ROBO2: variants seen among roughly 807,000 people sequenced by gnomAD.
The protein encoded by ROBO2 is roundabout guidance receptor 2.
ROBO2 carries 53 observed loss-of-function variants against 160.8 expected under a neutral mutation model. The observed-to-expected ratio is 0.33, with a 90% CI of 0.26 to 0.41. The LOEUF (loss-of-function observed/expected upper bound fraction) is 0.41. ROBO2 is among the 10% of genes least tolerant of loss of function. The pLI is 1.00. For missense variants in ROBO2, 1,577 were observed against 1,722.4 expected, an observed-to-expected ratio of 0.92 and a Z score of 1.49; for synonymous variants, 664 against 611.7, an observed-to-expected ratio of 1.09 and a Z score of -1.26.
chr3:76,190,831 A>G (rs1701973253), intron 2 of ROBO2, among the ~76,000 whole-genome samples: 1 of 152,134 alleles, frequency 6.6e-6, no homozygotes, highest in South Asian at 2.1e-4. Context: ...ATTTCATTCA[A>G]ATCTTGACGT....
chr3:77,639,760 G>A (rs573124655), intron 24 of ROBO2, among the ~76,000 whole-genome samples: 4 of 152,220 alleles, frequency 2.6e-5, no homozygotes, highest in Non-Finnish European at 5.9e-5. Flanking sequence ...GTGTATATGT[G>A]TGCATGCATG....
chr3:77,013,409 AAG>A (rs1316883235), intron 2 of ROBO2, among the ~76,000 whole-genome samples: 1 of 152,168 alleles, frequency 6.6e-6, no homozygotes, highest in African/African-American at 2.4e-5. Context: ...TGAGGCAAAA[AAG>A]AAGGCAAACA....
intron 2 of ROBO2, among the ~76,000 whole-genome samples, chr3:76,787,828 G>T (rs1174580233): frequency 2.6e-5 from 4 of 151,350 alleles, no homozygotes; most frequent in Non-Finnish European, 5.9e-5. Context: ...GTATATATTT[G>T]TTGTTTATGC....
intron 2 of ROBO2, among the ~76,000 whole-genome samples, chr3:76,487,220 T>G (rs2079547043): frequency 6.6e-6 from 1 of 151,820 alleles, no homozygotes. Context: ...CCTCAAGCGA[T>G]TCTCCTGCCT....
rs565942294 is a variant in ROBO2 at position 77,248,504 on chromosome 3, C to T, written c.388+150164C>T. Reference sequence around the variant, plus strand: ...AAAGCTCAAAGGGTTTTGTCATACTCCGTCTGGGGCTTCAGGGGTCGCGAG... The same window carrying T: ...AAAGCTCAAAGGGTTTTGTCATACTTCGTCTGGGGCTTCAGGGGTCGCGAG... On this transcript the variant is annotated intron_variant, in intron 2 of 25. Transcript: ENST00000461745. Among the ~76,000 whole-genome samples, 20 of 152,278 alleles carry T rather than the reference C, an allele frequency of 1.3e-4. No individual in the cohort carries two copies. In the South Asian group the frequency reaches 3.7e-3, roughly 28 times the overall value.
chr3:77,177,167 G>A (rs2080239571), intron 2 of ROBO2, among the ~76,000 whole-genome samples: 1 of 151,968 alleles, frequency 6.6e-6, no homozygotes, highest in African/African-American at 2.4e-5. Flanking sequence ...ATATAAAAAT[G>A]CAGCCAAAAT....
At chr3:76,385,006 C>T (rs1047340854) in intron 2 of ROBO2, among the ~76,000 whole-genome samples, 4 of 152,098 alleles carry the variant, frequency 2.6e-5, no homozygotes, top group African/African-American at 9.7e-5. Context: ...GTTTTTGAGA[C>T]AGGATCTTGC....
chr3:77,210,912 A>G lies in ROBO2; in HGVS notation c.388+112572A>G, dbSNP rs183404581. 7.2e-4 allele frequency among the ~76,000 whole-genome samples: 109 copies of G among 152,336 alleles called. 1 individual carries two copies. In the East Asian group the frequency reaches 0.019, roughly 27 times the overall value. ...CCTCATCCATGTCCCTACAAAGGAC[A>G]TGAACTTATCATTTTTTATGGCTGC... On this transcript the variant is annotated intron_variant, in intron 2 of 25. Coordinates refer to ENST00000461745, the Ensembl canonical transcript of ROBO2.
At chr3:76,107,549 A>G (rs2069999013) in intron 2 of ROBO2, among the ~76,000 whole-genome samples, 1 of 152,006 alleles carries the variant, frequency 6.6e-6, no homozygotes, top group African/African-American at 2.4e-5. Flanking sequence ...ATAATGTTAC[A>G]TTTGCATAGC....
intron 2 of ROBO2, among the ~76,000 whole-genome samples, chr3:76,808,132 GA>G (rs1212900509): frequency 6.6e-6 from 1 of 152,010 alleles, no homozygotes; most frequent in African/African-American, 2.4e-5. Context: ...ATATTACTTA[GA>G]ATTATTATAC....
intron 6 of ROBO2, among the ~76,000 whole-genome samples, chr3:77,537,108 G>A (rs112265095): frequency 1.4e-5 from 2 of 140,734 alleles, no homozygotes; most frequent in African/African-American, 2.6e-5. Context: ...GTGGGGGGGG[G>A]GTGTATTACA....
chr3:77,574,577 T>G, exon 14 of ROBO2: 1 of 1,613,478 alleles, frequency 6.2e-7, no homozygotes, highest in East Asian at 2.2e-5. Context: ...GACATCTTCG[T>G]GGCAGAATTT....
chr3:76,587,496 G>A (rs1335814323), intron 2 of ROBO2, among the ~76,000 whole-genome samples: 5 of 152,114 alleles, frequency 3.3e-5, no homozygotes, highest in Admixed American at 1.3e-4. Flanking sequence ...CCAGCAGGAC[G>A]GAGAAGAATG....
intron 2 of ROBO2, among the ~76,000 whole-genome samples, chr3:77,169,228 C>G (rs924789945): frequency 7.9e-5 from 12 of 152,134 alleles, no homozygotes; most frequent in African/African-American, 2.7e-4. Context: ...GATTATTTAA[C>G]ATTGTGTTAA....
At chr3:76,885,943 G>T (rs775069087) in intron 2 of ROBO2, among the ~76,000 whole-genome samples, 1 of 152,148 alleles carries the variant, frequency 6.6e-6, no homozygotes, top group Non-Finnish European at 1.5e-5. Context: ...GGTGAGGAGC[G>T]GGGGAGGGCA....
chr3:77,295,239 G>T (rs1303358606), intron 2 of ROBO2, among the ~76,000 whole-genome samples: 2 of 145,872 alleles, frequency 1.4e-5, no homozygotes, highest in Admixed American at 1.4e-4. Context: ...GATCACCAAA[G>T]ACATAAAGTA....
intron 2 of ROBO2, among the ~76,000 whole-genome samples, chr3:76,304,818 G>C (rs1402976904): frequency 9.4e-6 from 1 of 106,678 alleles, no homozygotes; most frequent in Non-Finnish European, 1.9e-5. Flanking sequence ...TTTTTTGTCT[G>C]TGTGTGTAAT....
chr3:76,758,998 G>A (rs976964462), intron 2 of ROBO2, among the ~76,000 whole-genome samples: 6 of 151,866 alleles, frequency 4.0e-5, no homozygotes, highest in East Asian at 1.9e-4. Flanking sequence ...TAGATGTCAT[G>A]TCAACATAGT....
At chr3:77,589,707 A>C (rs2094136441) in intron 17 of ROBO2, among the ~76,000 whole-genome samples, 1 of 152,104 alleles carries the variant, frequency 6.6e-6, no homozygotes, top group South Asian at 2.1e-4. Context: ...CAAAATTGTA[A>C]AGTCAGTGAT....
Sources: allele counts gnomAD v4.1 joint callset (sites outside exome capture counted in the v4.1 genomes callset), GRCh38; gene constraint gnomAD v4.1.1; transcripts MANE v1.5; gene names NCBI Gene and HGNC (gene_info 2026-07-23, HGNC 2026-07-21).